Variants in BRAF observed in about 807,000 individuals in gnomAD.
BRAF encodes the protein serine/threonine-protein kinase B-raf.
A neutral mutation model predicts 104.6 loss-of-function variants in BRAF; 16 were observed. The observed-to-expected ratio is 0.15, with a 90% confidence interval of 0.10 to 0.23. The LOEUF (loss-of-function observed/expected upper bound fraction) is 0.23, where lower values mean the gene tolerates loss of function less well. Among genes scored for constraint, BRAF ranks in the 10% least tolerant of loss-of-function variants. BRAF has a pLI of 1.00. For missense variants in BRAF, 541 were observed against 937.3 expected, an observed-to-expected ratio of 0.58 and a Z score of 5.52; for synonymous variants, 310 against 341.6, an observed-to-expected ratio of 0.91 and a Z score of 1.02.
chr7:140,826,844 G>C (rs554973322), intron 3 of BRAF, among the ~76,000 whole-genome samples: 102 of 152,250 alleles, frequency 6.7e-4, no homozygotes, highest in Non-Finnish European at 1.2e-3. Flanking sequence ...ACAATATGTA[G>C]TATTCAATCA....
At position 140,721,607 on chromosome 7, in the gene BRAF, T is replaced by G; in HGVS notation, c.*4887A>C. 6.5e-7 allele frequency: 1 copy of G among 1,535,280 alleles called. No homozygotes were observed. The highest frequency in any genetic ancestry group is 8.7e-7 in the Non-Finnish European group (1 of 1,146,428). On this transcript the variant is annotated 3_prime_UTR_variant, in exon 20 of 20. Coordinates refer to ENST00000644969, the MANE Select transcript of BRAF (RefSeq NM_001374258.1). Reference sequence around the variant, plus strand: ...TGACTCCGCTCTCCTCTGGCCAAGCTACAAATCATCACCTGAGGCAGAGAT... The same window carrying G: ...TGACTCCGCTCTCCTCTGGCCAAGCGACAAATCATCACCTGAGGCAGAGAT...
Position 140,783,085 on chromosome 7 carries a change from T to C in BRAF, c.1370A>G (p.Gln457Arg), listed in dbSNP as rs978365655. 1.9e-6 allele frequency: 3 copies of C among 1,613,990 alleles called. No homozygotes were observed. The highest frequency in any genetic ancestry group is 2.7e-5 in the African/African-American group (2 of 74,910). Residue 457 changes from glutamine to arginine, a missense_variant, in exon 11 of 20, where the codon CAG (glutamine) becomes CGG (arginine). By Grantham distance (43) the Gln-to-Arg change is conservative. This residue lies in a region of BRAF where 109 missense variants were observed against 143.9 expected (regional missense o/e 0.76). Coordinates refer to ENST00000644969, the MANE Select transcript of BRAF (RefSeq NM_001374258.1). ...PGSLTNVKAL[Q>R]KSPGPQRERK... ...TTCTCGCTGAGGTCCTGGAGATTTC[T>C]GTAAGGCTTTCACGTTAGTTAGTGA...
At chr7:140,837,835 C>A (rs1197704780) in intron 2 of BRAF, among the ~76,000 whole-genome samples, 5 of 152,204 alleles carry the variant, frequency 3.3e-5, no homozygotes, top group African/African-American at 1.2e-4. Flanking sequence ...CTCTGAAGAT[C>A]AAAGTCATCA....
chr7:140,760,764 C>T (rs559186019), intron 14 of BRAF, among the ~76,000 whole-genome samples: 12 of 151,374 alleles, frequency 7.9e-5, no homozygotes, highest in African/African-American at 9.7e-5. Context: ...GGAGCCGATG[C>T]GATCAACTGG....
In BRAF at chr7:140,721,895, C is replaced by G; in HGVS notation, c.*4599G>C. 4 of 1,257,106 alleles carry G rather than the reference C, an allele frequency of 3.2e-6. No individual in the cohort carries two copies. Among genetic ancestry groups the G allele is most frequent in the Middle Eastern group, 3.0e-4 (1 of 3,316 alleles). The allele number at this position is 1,257,106 out of a possible 1,614,324, so 77.9% of individuals were successfully genotyped here. A position where few individuals can be genotyped will look rare whatever the true frequency, so the allele number is the denominator to read the frequency against. ...AACGCAGTCCAGCTTCATGTGCAAT[C>G]AAGTCCCGGGAAGAAATTTACATTT... On this transcript the variant is annotated 3_prime_UTR_variant, in exon 20 of 20. Transcript: ENST00000644969.
At chr7:140,792,645 C>T (rs1802104120) in intron 8 of BRAF, among the ~76,000 whole-genome samples, 1 of 152,164 alleles carries the variant, frequency 6.6e-6, no homozygotes. Context: ...GTTTATTACC[C>T]CCTTCTCTAA....
intron 14 of BRAF, among the ~76,000 whole-genome samples, chr7:140,760,857 C>T (rs1430703339): frequency 2.0e-5 from 3 of 151,976 alleles, no homozygotes; most frequent in Non-Finnish European, 1.5e-5. Context: ...TAAAAAGAAA[C>T]GAACAAAGCC....
intron 2 of BRAF, among the ~76,000 whole-genome samples, chr7:140,848,267 C>G (rs1176103902): frequency 6.6e-6 from 1 of 152,172 alleles, no homozygotes; most frequent in African/African-American, 2.4e-5. Flanking sequence ...ACACAGATTT[C>G]TGACTTAGAT....
At position 140,819,680 on chromosome 7, in the gene BRAF, T is replaced by TACA. The variant is rs1458529669; in HGVS notation, c.505-10688_505-10686dup. ...GAAGGCATGAAGGACTGACACAGGG[T>TACA]ACAATGTGGATGGACTTTGAAAACA... On this transcript the variant is annotated intron_variant, in intron 3 of 19. Transcript: ENST00000644969. Among the ~76,000 whole-genome samples the TACA allele has an allele frequency of 4.6e-5, 7 of 152,278 alleles. No individual in the cohort carries two copies. In the East Asian group the frequency reaches 1.4e-3, roughly 29 times the overall value.
chr7:140,859,456 CTTCT>C, intron 1 of BRAF, among the ~76,000 whole-genome samples: 1 of 152,298 alleles, frequency 6.6e-6, no homozygotes, highest in Middle Eastern at 3.4e-3. Flanking sequence ...TGCCTTAATA[CTTCT>C]TTATTTTTCT....
intron 1 of BRAF, among the ~76,000 whole-genome samples, chr7:140,864,233 T>C (rs1474911688): frequency 2.0e-5 from 3 of 152,094 alleles, no homozygotes; most frequent in Non-Finnish European, 4.4e-5. Flanking sequence ...GAAACTATGG[T>C]TGTGTTAAGC....
intron 14 of BRAF, among the ~76,000 whole-genome samples, chr7:140,765,145 C>T (rs1799179175): frequency 2.0e-5 from 3 of 152,102 alleles, no homozygotes; most frequent in Non-Finnish European, 1.5e-5. Flanking sequence ...AATAACGCCA[C>T]ATATCTACAA....
intron 1 of BRAF, among the ~76,000 whole-genome samples, chr7:140,860,371 G>A (rs1429426495): frequency 1.4e-5 from 2 of 146,734 alleles, no homozygotes; most frequent in African/African-American, 2.6e-5. Flanking sequence ...GACCTCATTA[G>A]TAATCAAAGA....
chr7:140,869,286 T>C (rs1425059164), intron 1 of BRAF, among the ~76,000 whole-genome samples: 3 of 152,108 alleles, frequency 2.0e-5, no homozygotes, highest in African/African-American at 7.2e-5. Context: ...CCCATCCCCT[T>C]CTTAACATCT....
intron 1 of BRAF, among the ~76,000 whole-genome samples, chr7:140,890,099 ACTTAACCCC>A (rs1202079485): frequency 6.6e-6 from 1 of 152,242 alleles, no homozygotes. Context: ...TAGGCAAATT[ACTTAACCCC>A]CAAGTGTCAG....
chr7:140,756,650 A>G (rs979858581), intron 14 of BRAF, among the ~76,000 whole-genome samples: 1 of 152,258 alleles, frequency 6.6e-6, no homozygotes, highest in African/African-American at 2.4e-5. Context: ...TATATGACAC[A>G]GAAGTCAATC....
At chr7:140,713,863 T>C in the BRAF span, among the ~76,000 whole-genome samples, 2 of 152,198 alleles carry the variant, frequency 1.3e-5, no homozygotes, top group African/African-American at 4.8e-5. Flanking sequence ...TGGAGTTTGC[T>C]AGAGGTCCAC....
intron 1 of BRAF, among the ~76,000 whole-genome samples, chr7:140,903,650 G>A (rs754123480): frequency 1.3e-5 from 2 of 152,150 alleles, no homozygotes; most frequent in Admixed American, 6.5e-5. Flanking sequence ...CATAGATATC[G>A]TTATTACTCT....
At chr7:140,751,272 G>A (rs1367040092) in intron 16 of BRAF, among the ~76,000 whole-genome samples, 1 of 151,128 alleles carries the variant, frequency 6.6e-6, no homozygotes, top group Non-Finnish European at 1.5e-5. Flanking sequence ...CTGGAGACTT[G>A]ATTGAGCCTA....
Sources: allele counts gnomAD v4.1 joint callset (sites outside exome capture counted in the v4.1 genomes callset), GRCh38; gene constraint gnomAD v4.1.1; regional missense constraint gnomAD v4.1.1; transcripts MANE v1.5; gene names NCBI Gene and HGNC (gene_info 2026-07-23, HGNC 2026-07-21).